Variants in FRMPD3 observed in about 807,000 individuals in gnomAD.
FRMPD3 encodes the protein FERM and PDZ domain containing 3.
Under a neutral mutation model 97.9 loss-of-function variants are expected in FRMPD3, and 42 were observed. The ratio of observed to expected loss-of-function variants is 0.43; its 90% CI spans 0.34 to 0.55. FRMPD3 has a LOEUF of 0.55. FRMPD3 is among the 20% of genes least tolerant of loss of function. FRMPD3 has a pLI of 0.03. For missense variants in FRMPD3, 1,303 were observed against 1,457.7 expected, an observed-to-expected ratio of 0.89 and a Z score of 1.73; for synonymous variants, 577 against 581.1, an observed-to-expected ratio of 0.99 and a Z score of 0.10.
chrX:107,588,103 G>A (rs1341684174), intron 13 of FRMPD3, among the ~76,000 whole-genome samples: 1 of 111,538 alleles, frequency 9.0e-6, no homozygotes. Flanking sequence ...GCCTTTTAGA[G>A]TTTCTGCTAA....
chrX:107,458,746 G>A (rs1347122693), intron 1 of FRMPD3, among the ~76,000 whole-genome samples: 1 of 111,575 alleles, frequency 9.0e-6, no homozygotes, highest in Non-Finnish European at 1.9e-5. Context: ...TATGCATAGT[G>A]ATTCAGGATG....
chrX:107,560,135 T>C, intron 8 of FRMPD3, 122 bp from the exon 9 acceptor site: 2 of 852,754 alleles, frequency 2.3e-6, no homozygotes, highest in South Asian at 2.4e-5. Context: ...CCTTCCTCTG[T>C]CCCTTGATCT....
intron 12 of FRMPD3, among the ~76,000 whole-genome samples, 195 bp from the exon 13 acceptor site, chrX:107,576,120 C>A (rs1040530891): frequency 2.7e-5 from 3 of 112,074 alleles, no homozygotes; most frequent in Admixed American, 9.4e-5. Context: ...ATTTTGATAC[C>A]TGGGTAAGAG....
intron 1 of FRMPD3, among the ~76,000 whole-genome samples, chrX:107,466,866 A>T (rs1931573889): frequency 8.9e-6 from 1 of 111,845 alleles, no homozygotes; most frequent in African/African-American, 3.3e-5. Flanking sequence ...CAGAAAGGCC[A>T]AGAAAGGACT....
At chrX:107,475,344 C>T (rs1294936381) in intron 1 of FRMPD3, among the ~76,000 whole-genome samples, 1 of 111,702 alleles carries the variant, frequency 9.0e-6, no homozygotes. Context: ...TTGTTTTCTG[C>T]GGTTCCTTTT....
At chrX:107,574,865 G>T (rs1376522472) in intron 12 of FRMPD3, among the ~76,000 whole-genome samples, 1 of 111,983 alleles carries the variant, frequency 8.9e-6, no homozygotes, top group Non-Finnish European at 1.9e-5. Flanking sequence ...CTTAATGCCT[G>T]GTCTGGGTGA....
chrX:107,468,332 T>G (rs191953063), intron 1 of FRMPD3, among the ~76,000 whole-genome samples: 37 of 112,281 alleles, frequency 3.3e-4, no homozygotes, highest in African/African-American at 1.0e-3. Context: ...GGTGAAATAT[T>G]TTTTTCATTC....
At chrX:107,458,340 A>G (rs1211389305) in intron 1 of FRMPD3, among the ~76,000 whole-genome samples, 1 of 112,346 alleles carries the variant, frequency 8.9e-6, no homozygotes, top group Non-Finnish European at 1.9e-5. Context: ...AAGATGGAAA[A>G]CAATTATGTG....
At chrX:107,580,579 C>A (rs1923338859) in intron 13 of FRMPD3, among the ~76,000 whole-genome samples, 1 of 111,482 alleles carries the variant, frequency 9.0e-6, no homozygotes, top group Non-Finnish European at 1.9e-5. Context: ...CCTTTGATGG[C>A]AGCTTATTGC....
At chrX:107,500,128 A>G (rs1921869287) in intron 1 of FRMPD3, among the ~76,000 whole-genome samples, 1 of 112,103 alleles carries the variant, frequency 8.9e-6, no homozygotes, top group South Asian at 3.8e-4. Flanking sequence ...ACACAACAGT[A>G]CAAATACAAT....
rs374674303 is a variant in FRMPD3, at chrX:107,597,382, T to C, written c.1503T>C (p.Ser501=). ...TGGHLGKKES[S]YVGSVGTSPR... ...GCCACCTGGGGAAAAAGGAGAGTAGTTATGTGGGCAGCGTGGGCACCAGCC... is the reference window on the plus strand; with the variant it reads ...GCCACCTGGGGAAAAAGGAGAGTAGCTATGTGGGCAGCGTGGGCACCAGCC... Residue 501 remains serine, a synonymous_variant, in exon 14 of 15, where the codon AGT becomes AGC. Coordinates refer to ENST00000683843, the MANE Select transcript of FRMPD3 (RefSeq NM_001388459.1). The C allele has an allele frequency of 8.3e-7, 1 of 1,208,664 alleles. No individual in the cohort carries two copies. The highest frequency in any genetic ancestry group is 1.8e-5 in the African/African-American group (1 of 57,096).
chrX:107,547,224 G>T (rs1188152567), intron 5 of FRMPD3, among the ~76,000 whole-genome samples: 2 of 111,654 alleles, frequency 1.8e-5, no homozygotes, highest in Non-Finnish European at 3.8e-5. Flanking sequence ...AAACCCAGAG[G>T]ACGTATGACT....
rs1432164732 is a variant in FRMPD3, at chrX:107,597,329, C to G, written c.1450C>G (p.His484Asp). 8.3e-7 allele frequency: 1 copy of G among 1,199,055 alleles called. No homozygotes were observed. The highest frequency in any genetic ancestry group is 1.1e-6 in the Non-Finnish European group (1 of 889,677). Reference protein sequence around the residue: ...PPPMIKADYMHSAHRPVTGGH... With the variant: ...PPPMIKADYMDSAHRPVTGGH... ...TCTCTTTCTGGGTTTAGATTACATG[C>G]ACAGCGCCCACCGCCCTGTCACTGG... Residue 484 changes from histidine to aspartate, a missense_variant, in exon 14 of 15, where the codon CAC (histidine) becomes GAC (aspartate). Physicochemically the swap from His to Asp is moderately conservative, Grantham distance 81. Around this residue, in one of 3 missense-constraint regions of FRMPD3, gnomAD observed 535 missense variants for 618.6 expected, o/e 0.86. Transcript: ENST00000683843.
chrX:107,598,647 A>G (rs753259749), intron 14 of FRMPD3, among the ~76,000 whole-genome samples: 2 of 112,243 alleles, frequency 1.8e-5, no homozygotes, highest in Non-Finnish European at 3.8e-5. Context: ...GGTTTCTTCA[A>G]TCATTGTCAG....
At chrX:107,477,726 C>T (rs776791381) in intron 1 of FRMPD3, among the ~76,000 whole-genome samples, 2 of 112,149 alleles carry the variant, frequency 1.8e-5, no homozygotes, top group East Asian at 2.8e-4. Context: ...GCAGCTGCTG[C>T]GATGGTAGGT....
intron 13 of FRMPD3, among the ~76,000 whole-genome samples, chrX:107,586,626 C>G (rs773299484): frequency 4.5e-5 from 5 of 111,590 alleles, no homozygotes; most frequent in Admixed American, 9.6e-5. Flanking sequence ...TTAGCTGTGT[C>G]CCAGAGATTC....
intron 1 of FRMPD3, among the ~76,000 whole-genome samples, chrX:107,485,851 T>C (rs949555126): frequency 1.8e-5 from 2 of 111,669 alleles, no homozygotes; most frequent in African/African-American, 6.5e-5. Context: ...CTTAATAGCT[T>C]TCCCACTGAA....
intron 1 of FRMPD3, among the ~76,000 whole-genome samples, chrX:107,507,492 C>G (rs183135038): frequency 3.6e-5 from 4 of 111,164 alleles, no homozygotes; most frequent in African/African-American, 1.3e-4. Flanking sequence ...CCCGCCGTTA[C>G]GCTTCGGAAG....
intron 12 of FRMPD3, among the ~76,000 whole-genome samples, chrX:107,569,270 G>A (rs1008091809): frequency 2.0e-5 from 2 of 100,963 alleles, no homozygotes; most frequent in African/African-American, 7.3e-5. Context: ...ACTACAGCCT[G>A]GGTGACAGAG....
Sources: gnomAD v4.1 joint callset for allele counts (sites outside exome capture counted in the v4.1 genomes callset) on GRCh38, gnomAD v4.1.1 for gene constraint, gnomAD v4.1.1 regional missense constraint, MANE v1.5 for transcripts, NCBI Gene and HGNC (gene_info 2026-07-23, HGNC 2026-07-21) for gene names.